CTNS: variants seen among roughly 807,000 people sequenced by gnomAD.
CTNS encodes the protein cystinosin, lysosomal cystine transporter, also known as cystinosin.
A neutral mutation model predicts 43.7 loss-of-function variants in CTNS; 27 were observed. The ratio of observed to expected loss-of-function variants is 0.62; its 90% CI spans 0.46 to 0.85. The LOEUF (loss-of-function observed/expected upper bound fraction) is 0.85, where lower values mean the gene tolerates loss of function less well. Ranked by LOEUF, CTNS falls within the 40% of genes least tolerant of loss-of-function variation. The pLI is 0.00. For missense variants in CTNS, 457 were observed against 475.4 expected (o/e 0.96, Z 0.36); for synonymous variants, 187 against 190.6 (o/e 0.98, Z 0.16).
In CTNS at chr17:3,661,845, T is replaced by C. The variant is rs1025768042; in HGVS notation, c.*1476T>C. 2.6e-5 allele frequency among the ~76,000 whole-genome samples: 4 copies of C among 151,986 alleles called. No individual in the cohort carries two copies. Among genetic ancestry groups the C allele is most frequent in the Admixed American group, 6.6e-5 (1 of 15,258 alleles). On this transcript the variant is annotated 3_prime_UTR_variant, in exon 12 of 12. Coordinates refer to ENST00000046640, the MANE Select transcript of CTNS (RefSeq NM_004937.3). ...GCACTGGGAGCGGGGGCAGTGGGGG[T>C]CTTATTCTCCAGACGCTTCCTCTAT... is the stretch of plus-strand genomic sequence containing the variant.
intron 4 of CTNS, among the ~76,000 whole-genome samples, chr17:3,647,776 T>C (rs1455950136): frequency 6.6e-6 from 1 of 152,214 alleles, no homozygotes; most frequent in African/African-American, 2.4e-5. Context: ...CGTGCGTCTT[T>C]TCCCCGCATG....
chr17:3,640,292 C>G, intron 3 of CTNS, 25 bp downstream of exon 3: 1 of 1,606,314 alleles, frequency 6.2e-7, no homozygotes, highest in Non-Finnish European at 8.5e-7. Context: ...GACACGTCAA[C>G]TTTGTAAAGA....
At chr17:3,655,507 C>T in intron 7 of CTNS, 155 bp downstream of exon 7, 1 of 1,154,260 alleles carries the variant, frequency 8.7e-7, no homozygotes, top group Non-Finnish European at 1.3e-6. Context: ...GCTCGGAGAG[C>T]CTGGGTCGGA....
intron 5 of CTNS, chr17:3,650,387 C>A (rs939634035): frequency 2.0e-6 from 3 of 1,529,166 alleles, no homozygotes; most frequent in African/African-American, 2.7e-5. Context: ...GAGGCTGAGG[C>A]AGGAGAATCA....
intron 2 of CTNS, among the ~76,000 whole-genome samples, chr17:3,637,667 A>G (rs1029692536): frequency 6.6e-6 from 1 of 151,944 alleles, no homozygotes. Flanking sequence ...GGGATTCACC[A>G]TGTTGGCCAG....
Position 3,647,355 on chromosome 17 carries a change from G to C in CTNS, c.62-89G>C, listed in dbSNP as rs752431494. ...CTCGTCAGAGAGTCAGAGCTCAGGA[G>C]TTCAGATGTCAGGGGTTTCGGCCCA... On this transcript the variant is annotated intron_variant, in intron 3 of 11. Coordinates refer to ENST00000046640, the MANE Select transcript of CTNS (RefSeq NM_004937.3). The C allele has an allele frequency of 2.6e-4, 287 of 1,083,554 alleles. 1 individual carries two copies. Among genetic ancestry groups the C allele is most frequent in the Non-Finnish European group, 3.8e-4 (264 of 700,134 alleles). The allele number at this position is 1,083,554 out of a possible 1,614,324, so 67.1% of individuals were successfully genotyped here. A position where few individuals can be genotyped will look rare whatever the true frequency, so the allele number is the denominator to read the frequency against.
At chr17:3,657,697 A>T in intron 9 of CTNS, 1 of 467,336 alleles carries the variant, frequency 2.1e-6, no homozygotes, top group Non-Finnish European at 4.0e-6. Flanking sequence ...AGAGGCGCCC[A>T]GTTCTGCCAA....
chr17:3,639,104 C>T (rs2075616657), intron 2 of CTNS, among the ~76,000 whole-genome samples: 1 of 152,116 alleles, frequency 6.6e-6, no homozygotes, highest in Admixed American at 6.6e-5. Context: ...AGAGTGGGAA[C>T]AGGGATGTCT....
At chr17:3,636,481 T>G (rs1381888138), upstream of CTNS, 1 of 445,226 alleles carries the variant, frequency 2.2e-6, no homozygotes, top group African/African-American at 2.1e-5. Context: ...TTCCGCCCAA[T>G]GGAGGGCGGT....
intron 7 of CTNS, chr17:3,655,740 A>G (rs1404113580): frequency 6.1e-6 from 2 of 327,886 alleles, no homozygotes; most frequent in African/African-American, 4.3e-5. Context: ...TTGACTTGCA[A>G]AGACACAAGC....
chr17:3,647,505 C>CTGCCGTT lies in CTNS; in HGVS notation c.123_124insTGCCGTT (p.Val42CysfsTer20), dbSNP rs1567701347. 1.9e-6 allele frequency: 3 copies of CTGCCGTT among 1,614,146 alleles called. No individual in the cohort carries two copies. The highest frequency in any genetic ancestry group is 2.5e-6 in the Non-Finnish European group (3 of 1,179,994). ...AGCTGGAGAACGGCAGCTCGACCAA[C>CTGCCGTT]GTCAGCCTCACCCTGCGGTAAGTTC... On this transcript the variant is annotated frameshift_variant, in exon 4 of 12. Coordinates refer to ENST00000046640, the MANE Select transcript of CTNS (RefSeq NM_004937.3). LOFTEE classifies it high-confidence loss of function.
Position 3,660,423 on chromosome 17 carries a change from C to A in CTNS, c.*54C>A, listed in dbSNP as rs2076258278. The stretch of plus-strand genomic sequence containing the variant: ...TGGCCTCGTGCCCTGCTGGGGAAGG[C>A]CTCACCCAGCGAAGGCCGGAGAAGC... On this transcript the variant is annotated 3_prime_UTR_variant, in exon 12 of 12. Coordinates refer to ENST00000046640, the MANE Select transcript of CTNS (RefSeq NM_004937.3). 6.2e-7 allele frequency: 1 copy of A among 1,613,890 alleles called. No individual in the cohort carries two copies. The highest frequency in any genetic ancestry group is 8.5e-7 in the Non-Finnish European group (1 of 1,180,040).
At position 3,660,122 on chromosome 17, in the gene CTNS, G is replaced by A. The variant is rs138808519; in HGVS notation, c.971-114G>A. ...AGGAGAGACCCACCTAGGGGCCTTC[G>A]TAGCTGGAGGCTTTGTGGTTTTCTG... On this transcript the variant is annotated intron_variant, in intron 11 of 11. Coordinates refer to ENST00000046640, the MANE Select transcript of CTNS (RefSeq NM_004937.3). The A allele has an allele frequency of 1.5e-3, 2,205 of 1,517,090 alleles. 12 individuals carry two copies. The highest frequency in any genetic ancestry group is 8.8e-4 in the South Asian group (78 of 88,830). 94.0% of individuals were successfully genotyped at this position (1,517,090 alleles called of 1,614,324 possible).
At chr17:3,650,863 C>T (rs1193260435) in intron 5 of CTNS, among the ~76,000 whole-genome samples, 8 of 152,134 alleles carry the variant, frequency 5.3e-5, no homozygotes, top group South Asian at 2.1e-4. Context: ...AGTAAAGTGG[C>T]GCAATCTCAG....
chr17:3,647,073 C>G (rs564604728), intron 3 of CTNS, among the ~76,000 whole-genome samples: 1 of 152,338 alleles, frequency 6.6e-6, no homozygotes, highest in East Asian at 1.9e-4. Flanking sequence ...GTGCTTTCAT[C>G]TGAAGAGGTG....
intron 4 of CTNS, among the ~76,000 whole-genome samples, chr17:3,647,797 T>A (rs1387529084): frequency 6.6e-6 from 1 of 152,226 alleles, no homozygotes; most frequent in East Asian, 1.9e-4. Flanking sequence ...GGAAGAGTCC[T>A]GTGTGACCGG....
chr17:3,644,297 A>G lies in CTNS; in HGVS notation c.62-3147A>G, dbSNP rs1190666279. On this transcript the variant is annotated intron_variant, in intron 3 of 11. Transcript: ENST00000046640. The stretch of plus-strand genomic sequence containing the variant: ...CTCAGAGAGGGTAAGTACCTTACCC[A>G]TGGTCACACAGCTAGGAAGTGTCAG... 2.6e-5 allele frequency among the ~76,000 whole-genome samples: 4 copies of G among 152,182 alleles called. No individual in the cohort carries two copies. In the South Asian group the frequency reaches 6.2e-4, roughly 24 times the overall value.
chr17:3,658,658 G>A (rs1450926494), intron 10 of CTNS, among the ~76,000 whole-genome samples: 1 of 152,262 alleles, frequency 6.6e-6, no homozygotes, highest in Admixed American at 6.5e-5. Context: ...GGCTGAAGTT[G>A]CTGCACCCGG....
chr17:3,647,178 A>G lies in CTNS; in HGVS notation c.62-266A>G, dbSNP rs563763999. 5.3e-5 allele frequency among the ~76,000 whole-genome samples: 8 copies of G among 152,290 alleles called. No homozygotes were observed. The South Asian group carries it at 1.7e-3, about 32-fold the overall frequency. ...TTCTCTAACAATCTCTGGTTAACTC[A>G]GCCGCAGACTCTCAGAGCCTGTCAT... On this transcript the variant is annotated intron_variant, in intron 3 of 11. Transcript: ENST00000046640.
Sources: gnomAD v4.1 joint callset for allele counts (sites outside exome capture counted in the v4.1 genomes callset) on GRCh38, gnomAD v4.1.1 for gene constraint, MANE v1.5 for transcripts, NCBI Gene and HGNC (gene_info 2026-07-23, HGNC 2026-07-21) for gene names.